Variants in CALD1 observed in about 807,000 individuals in gnomAD.
CALD1 encodes the protein caldesmon.
CALD1 carries 33 observed loss-of-function variants against 99.9 expected under a neutral mutation model. The ratio of observed to expected loss-of-function variants is 0.33; its 90% CI spans 0.25 to 0.44. The LOEUF (loss-of-function observed/expected upper bound fraction) is 0.44. Among genes scored for constraint, CALD1 ranks in the 20% least tolerant of loss-of-function variants. The pLI is 1.00. For synonymous variants in CALD1, 310 were observed against 325.0 expected, an observed-to-expected ratio of 0.95 and a Z score of 0.50; for missense variants, 861 against 962.1, an observed-to-expected ratio of 0.89 and a Z score of 1.39.
intron 1 of CALD1, among the ~76,000 whole-genome samples, chr7:134,798,319 C>G (rs914024511): frequency 6.6e-6 from 1 of 152,182 alleles, no homozygotes; most frequent in Admixed American, 6.5e-5. Flanking sequence ...CCCTTGAGAC[C>G]GTTAGCAGAT....
intron 7 of CALD1, 45 bp downstream of exon 7, chr7:134,941,282 A>AG (rs779667713): frequency 2.4e-4 from 353 of 1,467,344 alleles, no homozygotes; most frequent in South Asian, 5.2e-4. Context: ...TCACATGCAA[A>AG]GAAAAAAAAA....
chr7:134,943,688 CCCA>C (rs1563119566), intron 7 of CALD1, among the ~76,000 whole-genome samples: 4 of 151,998 alleles, frequency 2.6e-5, no homozygotes, highest in African/African-American at 9.7e-5. Context: ...AAAATAAGCA[CCCA>C]CCACCCAAAG....
chr7:134,906,591 C>T (rs1456595891), intron 3 of CALD1, among the ~76,000 whole-genome samples: 1 of 152,254 alleles, frequency 6.6e-6, no homozygotes, highest in African/African-American at 2.4e-5. Flanking sequence ...GTAAGATTGG[C>T]TGGACCTGTA....
At chr7:134,744,659 T>C (rs12538586) in intron 1 of CALD1, among the ~76,000 whole-genome samples, 84,664 of 151,986 alleles carry the variant, frequency 0.56, 24,887 homozygotes, top group East Asian at 0.86. Flanking sequence ...ACTAGAGCAA[T>C]ATTCTTCACC....
At chr7:134,841,432 C>A (rs1380434769) in intron 1 of CALD1, among the ~76,000 whole-genome samples, 2 of 152,152 alleles carry the variant, frequency 1.3e-5, no homozygotes, top group African/African-American at 4.8e-5. Context: ...TGACTTCCTG[C>A]CAACTATGAT....
At chr7:134,885,840 G>C (rs950285534) in intron 3 of CALD1, among the ~76,000 whole-genome samples, 1 of 151,766 alleles carries the variant, frequency 6.6e-6, no homozygotes, top group African/African-American at 2.4e-5. Flanking sequence ...ATATAAAGCA[G>C]GTATTATTAT....
At chr7:134,902,268 T>C (rs1429027119) in intron 3 of CALD1, among the ~76,000 whole-genome samples, 1 of 152,132 alleles carries the variant, frequency 6.6e-6, no homozygotes, top group Non-Finnish European at 1.5e-5. Context: ...AGTGTGTGCA[T>C]GTCCATTCAC....
intron 2 of CALD1, among the ~76,000 whole-genome samples, chr7:134,863,221 A>G (rs563827399): frequency 6.6e-6 from 1 of 152,284 alleles, no homozygotes; most frequent in African/African-American, 2.4e-5. Flanking sequence ...TGTACTCTCT[A>G]TTCGCTTTTT....
At chr7:134,883,687 C>T (rs184823793) in intron 3 of CALD1, among the ~76,000 whole-genome samples, 19 of 152,298 alleles carry the variant, frequency 1.2e-4, no homozygotes, top group Non-Finnish European at 2.2e-4. Context: ...CATAAAGATA[C>T]CTAAGATTCT....
intron 1 of CALD1, among the ~76,000 whole-genome samples, chr7:134,813,433 A>T (rs1397787628): frequency 6.6e-6 from 1 of 152,228 alleles, no homozygotes. Flanking sequence ...CAATTGCTAG[A>T]GCAATGTCCT....
intron 1 of CALD1, among the ~76,000 whole-genome samples, chr7:134,784,699 C>T (rs892474651): frequency 7.9e-5 from 12 of 152,076 alleles, no homozygotes; most frequent in Admixed American, 3.9e-4. Flanking sequence ...GATTAACGAA[C>T]GGATGAAATC....
chr7:134,908,997 A>G (rs958557859), intron 3 of CALD1, among the ~76,000 whole-genome samples: 2 of 152,204 alleles, frequency 1.3e-5, no homozygotes, highest in African/African-American at 4.8e-5. Context: ...TCTGCCAGGT[A>G]GTTGAAAACA....
intron 3 of CALD1, among the ~76,000 whole-genome samples, chr7:134,877,448 T>A (rs959087021): frequency 2.0e-5 from 3 of 152,212 alleles, no homozygotes; most frequent in Non-Finnish European, 4.4e-5. Context: ...CATGCAATAG[T>A]CTGGTACATA....
intron 1 of CALD1, among the ~76,000 whole-genome samples, chr7:134,767,388 C>A (rs1166648096): frequency 6.6e-6 from 1 of 152,162 alleles, no homozygotes; most frequent in African/African-American, 2.4e-5. Context: ...ATAGTCTATC[C>A]CCCAAGAGAA....
chr7:134,826,434 C>T (rs1208980711), intron 1 of CALD1, among the ~76,000 whole-genome samples: 1 of 152,106 alleles, frequency 6.6e-6, no homozygotes, highest in Non-Finnish European at 1.5e-5. Flanking sequence ...CTAAGTACTC[C>T]AGCCCACCTA....
intron 3 of CALD1, among the ~76,000 whole-genome samples, chr7:134,883,269 G>GC (rs1489614705): frequency 1.3e-5 from 2 of 152,152 alleles, no homozygotes; most frequent in African/African-American, 2.4e-5. Flanking sequence ...GATTACTTCA[G>GC]CCCTCTCTAC....
rs546889931 is a variant in CALD1 at position 134,900,395 on chromosome 7, A to T, written c.72-28359A>T. ...CTTTTGAATCAGTAAGCTGAAGCCC[A>T]GAGGGGTTAGGTACATTGGACTGGA... On this transcript the variant is annotated intron_variant, in intron 3 of 14. Coordinates refer to ENST00000361675, the MANE Select transcript of CALD1 (RefSeq NM_033138.4). 6.6e-5 allele frequency among the ~76,000 whole-genome samples: 10 copies of T among 152,254 alleles called. No homozygotes were observed. The South Asian group carries it at 2.1e-3, about 32-fold the overall frequency.
intron 3 of CALD1, chr7:134,891,388 C>A: frequency 7.9e-7 from 1 of 1,260,810 alleles, no homozygotes; most frequent in African/African-American, 1.5e-5. Context: ...TCTGATGATC[C>A]TGTGAGGAGG....
At chr7:134,910,290 A>T (rs1803705943) in intron 3 of CALD1, among the ~76,000 whole-genome samples, 1 of 152,212 alleles carries the variant, frequency 6.6e-6, no homozygotes, top group African/African-American at 2.4e-5. Flanking sequence ...AGCCCGTGAT[A>T]GGGTGGATTT....
Sources: allele counts gnomAD v4.1 joint callset (sites outside exome capture counted in the v4.1 genomes callset), GRCh38; gene constraint gnomAD v4.1.1; transcripts MANE v1.5; gene names NCBI Gene and HGNC (gene_info 2026-07-23, HGNC 2026-07-21).